GOLGA1: variants seen among roughly 807,000 people sequenced by gnomAD.
GOLGA1 encodes the protein golgin subfamily A member 1.
A neutral mutation model predicts 119.7 loss-of-function variants in GOLGA1; 63 were observed. The observed-to-expected ratio is 0.53, with a 90% confidence interval of 0.43 to 0.65. GOLGA1 has a LOEUF of 0.65. Ranked by LOEUF, GOLGA1 falls within the 30% of genes least tolerant of loss-of-function variation. The pLI, the probability that GOLGA1 is intolerant of heterozygous loss-of-function variation, is 0.00. For synonymous variants in GOLGA1, 318 were observed against 333.4 expected, an observed-to-expected ratio of 0.95 and a Z score of 0.50; for missense variants, 798 against 912.8, an observed-to-expected ratio of 0.87 and a Z score of 1.62.
chr9:124,928,845 G>A (rs1339009522), intron 5 of GOLGA1, among the ~76,000 whole-genome samples: 3 of 152,140 alleles, frequency 2.0e-5, no homozygotes, highest in African/African-American at 4.8e-5. Flanking sequence ...TGATGACAGG[G>A]ATTTCTCCCA....
intron 11 of GOLGA1, 37 bp downstream of exon 11, chr9:124,911,864 T>C: frequency 6.3e-7 from 1 of 1,595,176 alleles, no homozygotes; most frequent in Non-Finnish European, 8.6e-7. Flanking sequence ...AACCCTGCCT[T>C]TCCAACACCA....
intron 12 of GOLGA1, among the ~76,000 whole-genome samples, chr9:124,901,687 G>C (rs35374873): frequency 0.19 from 28,420 of 151,692 alleles, 3,110 homozygotes; most frequent in Non-Finnish European, 0.24. Flanking sequence ...CGCCCACCTC[G>C]GCCTCCCAAA....
chr9:124,920,804 G>A (rs1458128158), intron 10 of GOLGA1, among the ~76,000 whole-genome samples: 1 of 150,706 alleles, frequency 6.6e-6, no homozygotes, highest in Non-Finnish European at 1.5e-5. Flanking sequence ...TGTGGTGGCG[G>A]GCGCCTATAA....
At chr9:124,924,004 C>G (rs1323641938) in intron 7 of GOLGA1, among the ~76,000 whole-genome samples, 3 of 152,118 alleles carry the variant, frequency 2.0e-5, no homozygotes, top group Non-Finnish European at 4.4e-5. Flanking sequence ...TACAGGCATG[C>G]ACCACCATGC....
chr9:124,882,067 C>T, intron 20 of GOLGA1, 113 bp from the exon 21 acceptor site: 1 of 746,338 alleles, frequency 1.3e-6, no homozygotes, highest in Non-Finnish European at 2.2e-6. Flanking sequence ...GCAAAAAGGG[C>T]CCCACCTGGG....
chr9:124,884,245 C>G (rs1436536642), intron 19 of GOLGA1, among the ~76,000 whole-genome samples: 1 of 140,950 alleles, frequency 7.1e-6, no homozygotes, highest in African/African-American at 2.5e-5. Flanking sequence ...CTCCTGGCCT[C>G]AGGTGATCTG....
At position 124,908,115 on chromosome 9, in the gene GOLGA1, A is replaced by C. The variant is rs1588077144; in HGVS notation, c.1065+262T>G. Among the ~76,000 whole-genome samples, 4 of 152,352 alleles carry C rather than the reference A, an allele frequency of 2.6e-5. No individual in the cohort carries two copies. The South Asian group carries it at 8.3e-4, about 32-fold the overall frequency. ...TATTTTAAAACAACCCAACAAAAAGAGCATCTATATGAACCACAACGGAAT... is the reference window on the plus strand; with the variant it reads ...TATTTTAAAACAACCCAACAAAAAGCGCATCTATATGAACCACAACGGAAT... On this transcript the variant is annotated intron_variant, in intron 12 of 22. Coordinates refer to ENST00000373555, the MANE Select transcript of GOLGA1 (RefSeq NM_002077.4).
At chr9:124,922,125 G>A (rs1221299586) in intron 8 of GOLGA1, among the ~76,000 whole-genome samples, 2 of 151,972 alleles carry the variant, frequency 1.3e-5, no homozygotes, top group Non-Finnish European at 2.9e-5. Context: ...CTACTCGGGA[G>A]GCTGAGGCGG....
chr9:124,933,573 C>G (rs1236200800), intron 3 of GOLGA1, among the ~76,000 whole-genome samples: 1 of 152,106 alleles, frequency 6.6e-6, no homozygotes, highest in Non-Finnish European at 1.5e-5. Context: ...TGTCACCATG[C>G]TCAGCTAATA....
rs1345644723 is a variant in GOLGA1 at position 124,941,064 on chromosome 9, C to G, written c.-299G>C. 2 of 152,308 alleles carry G rather than the reference C, an allele frequency of 1.3e-5. No individual in the cohort carries two copies. The highest frequency in any genetic ancestry group is 1.3e-4 in the Admixed American group (2 of 15,290). 9.4% of individuals were successfully genotyped at this position (152,308 alleles called of 1,614,324 possible). ...CAACCCCCACCGCCCAGCCGGCGAG[C>G]CGAGCAGCGACCCGGAACCGCACGT... On this transcript the variant is annotated 5_prime_UTR_variant, in exon 1 of 23. Transcript: ENST00000373555.
At chr9:124,887,245 C>T (rs1249805029) in intron 19 of GOLGA1, among the ~76,000 whole-genome samples, 14 of 151,984 alleles carry the variant, frequency 9.2e-5, no homozygotes, top group South Asian at 8.3e-4. Context: ...ACAGGCAAAA[C>T]GAAACTGTGG....
At position 124,899,466 on chromosome 9, in the gene GOLGA1, G is replaced by C; in HGVS notation, c.1174C>G (p.Gln392Glu). Reference sequence around the variant, plus strand: ...TGCTGCTGCACATGGCTGCTCTCCTGGTTGGCGGCAGCCTGCGGGGAGACC... The same window carrying C: ...TGCTGCTGCACATGGCTGCTCTCCTCGTTGGCGGCAGCCTGCGGGGAGACC... ...TQIQELAAAN[Q>E]ESSHVQQQAL... is the part of the protein sequence containing the mutation. The change falls in exon 14 of 23, where the codon CAG becomes GAG. Residue 392 changes from glutamine (Q) to glutamate (E), a missense_variant. Gln to Glu is a conservative substitution (Grantham distance 29). Transcript: ENST00000373555. 1.3e-6 allele frequency: 2 copies of C among 1,546,784 alleles called. No individual in the cohort carries two copies. Among genetic ancestry groups the C allele is most frequent in the Non-Finnish European group, 1.7e-6 (2 of 1,149,320 alleles).
intron 10 of GOLGA1, among the ~76,000 whole-genome samples, chr9:124,912,604 G>C (rs1311566339): frequency 1.3e-5 from 2 of 152,102 alleles, no homozygotes; most frequent in African/African-American, 4.8e-5. Context: ...GTACAGTGGC[G>C]CGATCTCGGC....
intron 15 of GOLGA1, among the ~76,000 whole-genome samples, chr9:124,894,800 C>G (rs1470935900): frequency 6.6e-6 from 1 of 152,174 alleles, no homozygotes; most frequent in African/African-American, 2.4e-5. Context: ...GGGGCTGCTA[C>G]TGACATCTAG....
At position 124,908,380 on chromosome 9, in the gene GOLGA1, A is replaced by C. The variant is rs1588077322; in HGVS notation, c.1062T>G (p.Thr354=). ...ACACCAGGAGTAAGGTCAGTACCCGAGTCTCCAGGGTGTTAATGGCCTTAG... is the reference window on the plus strand; with the variant it reads ...ACACCAGGAGTAAGGTCAGTACCCGCGTCTCCAGGGTGTTAATGGCCTTAG... ...SQAKAINTLE[T]RVRELEQTLQ... Residue 354 remains threonine, a synonymous_variant, in exon 12 of 23, where the codon ACT becomes ACG. Transcript: ENST00000373555. 1.9e-6 allele frequency: 3 copies of C among 1,560,708 alleles called. No individual in the cohort carries two copies. Among genetic ancestry groups the C allele is most frequent in the South Asian group, 1.1e-5 (1 of 90,024 alleles).
At chr9:124,887,941 C>T (rs905870589) in intron 19 of GOLGA1, among the ~76,000 whole-genome samples, 11 of 152,262 alleles carry the variant, frequency 7.2e-5, no homozygotes, top group Admixed American at 1.3e-4. Flanking sequence ...GAAGTATAGA[C>T]GAAAGAGGAC....
intron 5 of GOLGA1, among the ~76,000 whole-genome samples, chr9:124,928,815 A>T (rs1023827296): frequency 1.3e-5 from 2 of 152,200 alleles, no homozygotes; most frequent in Non-Finnish European, 2.9e-5. Flanking sequence ...CACAAAATGT[A>T]TGATTTATTG....
chr9:124,937,434 C>T (rs1362492007), intron 3 of GOLGA1, among the ~76,000 whole-genome samples: 3 of 151,818 alleles, frequency 2.0e-5, no homozygotes, highest in Non-Finnish European at 2.9e-5. Context: ...CCCTAGGTGA[C>T]AGAGCGAGAC....
At position 124,889,136 on chromosome 9, in the gene GOLGA1, G is replaced by C. The variant is rs530165203; in HGVS notation, c.1761+7C>G. ...GTAGCACCCATGCAGGTGCAGCTGG[G>C]ACTTACGTGCGACTCATTGACTGAG... On this transcript the variant is annotated splice_region_variant and intron_variant, in intron 18 of 22. Transcript: ENST00000373555. The C allele has an allele frequency of 6.2e-7, 1 of 1,602,348 alleles. No individual in the cohort carries two copies. Among genetic ancestry groups the C allele is most frequent in the African/African-American group, 1.3e-5 (1 of 74,842 alleles).
Sources: allele counts gnomAD v4.1 joint callset (sites outside exome capture counted in the v4.1 genomes callset), GRCh38; gene constraint gnomAD v4.1.1; transcripts MANE v1.5; gene names NCBI Gene and HGNC (gene_info 2026-07-23, HGNC 2026-07-21).